ABLIM1: variants seen among roughly 807,000 people sequenced by gnomAD.
ABLIM1 encodes actin binding LIM protein 1.
A neutral mutation model predicts 107.0 loss-of-function variants in ABLIM1; 40 were observed. The ratio of observed to expected loss-of-function variants is 0.37; its 90% CI spans 0.29 to 0.49. ABLIM1 has a LOEUF of 0.49. ABLIM1 is among the 20% of genes least tolerant of loss of function. ABLIM1 has a pLI of 0.97. For synonymous variants in ABLIM1, 357 were observed against 357.3 expected (o/e 1.00, Z 0.01); for missense variants, 857 against 1,008.5 (o/e 0.85, Z 2.04).
At chr10:114,473,161 A>C in intron 9 of ABLIM1, 29 bp from the exon 10 acceptor site, 1 of 1,593,980 alleles carries the variant, frequency 6.3e-7, no homozygotes, top group Non-Finnish European at 8.6e-7. Context: ...AAGAACAATT[A>C]CCTTGTAGTC....
intron 15 of ABLIM1, among the ~76,000 whole-genome samples, chr10:114,445,797 G>A (rs909499271): frequency 4.6e-5 from 7 of 152,118 alleles, no homozygotes; most frequent in Admixed American, 1.3e-4. Context: ...TTGAGACAAG[G>A]TTTCACTCTG....
rs2059548253 is a variant in ABLIM1, at chr10:114,437,285, T to A, written c.2223+559A>T. Among the ~76,000 whole-genome samples, 2 of 151,860 alleles carry A rather than the reference T, an allele frequency of 1.3e-5. 1 individual carries two copies. Among genetic ancestry groups the A allele is most frequent in the Admixed American group, 1.3e-4 (2 of 15,232 alleles). The stretch of plus-strand genomic sequence containing the variant: ...AGAAAATGACTGAAATCATTCTGTG[T>A]CTCCTGGGTCATTCTTTTTTTCTTT... On this transcript the variant is annotated intron_variant, in intron 22 of 22. Transcript: ENST00000533213.
chr10:114,632,350 G>A, intron 1 of ABLIM1: 1 of 985,440 alleles, frequency 1.0e-6, no homozygotes, highest in African/African-American at 1.7e-5. Context: ...GCCAGGAAGA[G>A]GAGGACCGAG....
intron 6 of ABLIM1, among the ~76,000 whole-genome samples, chr10:114,520,485 AGT>A (rs2063562354): frequency 6.6e-6 from 1 of 152,064 alleles, no homozygotes; most frequent in Admixed American, 6.6e-5. Context: ...AGGGGAAATC[AGT>A]GCCATCGTGG....
intron 1 of ABLIM1, among the ~76,000 whole-genome samples, chr10:114,646,446 T>C (rs1369187252): frequency 6.6e-6 from 1 of 152,214 alleles, no homozygotes; most frequent in Non-Finnish European, 1.5e-5. Context: ...ATATGCGAAG[T>C]ATCACCTTCA....
Position 114,439,248 on chromosome 10 carries a change from T to C in ABLIM1, c.2070A>G (p.Thr690=). 6.2e-7 allele frequency: 1 copy of C among 1,614,146 alleles called. No individual in the cohort carries two copies. ...DVSGGVRDYQ[T]LPDGHMPAMR... Reference sequence around the variant, plus strand: ...TTGCAGGCATGTGGCCATCTGGGAGTGTCTGCAACAGAAATGCCAGTTCCA... The same window carrying C: ...TTGCAGGCATGTGGCCATCTGGGAGCGTCTGCAACAGAAATGCCAGTTCCA... Residue 690 remains threonine, a splice_region_variant and synonymous_variant, in exon 21 of 23, where the codon ACA becomes ACG. Coordinates refer to ENST00000533213, the MANE Select transcript of ABLIM1 (RefSeq NM_002313.7).
At chr10:114,527,695 A>G (rs1296027971) in intron 6 of ABLIM1, among the ~76,000 whole-genome samples, 1 of 130,082 alleles carries the variant, frequency 7.7e-6, no homozygotes, top group Non-Finnish European at 1.5e-5. Flanking sequence ...GATCTCTGTC[A>G]CCCATGCTAG....
chr10:114,706,986 C>T (rs2081436366), intron 1 of ABLIM1, among the ~76,000 whole-genome samples: 1 of 152,082 alleles, frequency 6.6e-6, no homozygotes, highest in Admixed American at 6.6e-5. Flanking sequence ...TGTAGACCAG[C>T]ACTGTCAATG....
At chr10:114,656,269 C>CA (rs71007486) in intron 1 of ABLIM1, among the ~76,000 whole-genome samples, 14,522 of 63,082 alleles carry the variant, frequency 0.23, 1,483 homozygotes, top group East Asian at 0.46. Flanking sequence ...AACTCCGTCT[C>CA]AAAAAAAAAA....
At chr10:114,513,301 T>C (rs1416345166) in intron 6 of ABLIM1, among the ~76,000 whole-genome samples, 3 of 152,210 alleles carry the variant, frequency 2.0e-5, no homozygotes, top group African/African-American at 7.2e-5. Flanking sequence ...AATGCAGCTA[T>C]CTTAGGAGAA....
chr10:114,505,003 A>G (rs2060933634), intron 6 of ABLIM1, among the ~76,000 whole-genome samples: 1 of 152,060 alleles, frequency 6.6e-6, no homozygotes, highest in South Asian at 2.1e-4. Flanking sequence ...TTCTTTCCAA[A>G]CACTTACCTA....
intron 8 of ABLIM1, among the ~76,000 whole-genome samples, chr10:114,477,442 A>C (rs528474078): frequency 1.3e-5 from 2 of 152,234 alleles, no homozygotes; most frequent in Non-Finnish European, 2.9e-5. Context: ...TGAACAGCCA[A>C]AGTGTACACT....
In ABLIM1 at chr10:114,629,101, C is replaced by A. The variant is rs1260435609; in HGVS notation, c.245-27140G>T. On this transcript the variant is annotated intron_variant, in intron 1 of 22. Transcript: ENST00000533213. The surrounding 1 kb of genome is among the most constrained non-coding windows in gnomAD (Gnocchi z 4.0). ...GTGAATGGGTGCCTGGTCAGGAGAACAAAAGATAATAAGGTCAAAGGATGT... is the reference window on the plus strand; with the variant it reads ...GTGAATGGGTGCCTGGTCAGGAGAAAAAAAGATAATAAGGTCAAAGGATGT... 6.6e-6 allele frequency among the ~76,000 whole-genome samples: 1 copy of A among 152,146 alleles called. No individual in the cohort carries two copies. Among genetic ancestry groups the A allele is most frequent in the Non-Finnish European group, 1.5e-5 (1 of 68,028 alleles).
intron 6 of ABLIM1, among the ~76,000 whole-genome samples, chr10:114,506,317 G>A (rs1156362351): frequency 6.6e-6 from 1 of 152,214 alleles, no homozygotes; most frequent in Non-Finnish European, 1.5e-5. Flanking sequence ...GTGCTGCAAA[G>A]AACATACAAG....
chr10:114,551,772 C>T (rs986212), intron 4 of ABLIM1, among the ~76,000 whole-genome samples: 36,743 of 152,108 alleles, frequency 0.24, 4,614 homozygotes, highest in East Asian at 0.36. Context: ...TCAGGTACCA[C>T]GTGAGGGCTT....
intron 3 of ABLIM1, among the ~76,000 whole-genome samples, chr10:114,571,759 C>A (rs1181714611): frequency 6.6e-6 from 1 of 152,156 alleles, no homozygotes; most frequent in Non-Finnish European, 1.5e-5. Context: ...ATTTTAAATA[C>A]CATGAATTCC....
At chr10:114,546,299 T>A (rs1472937751) in intron 5 of ABLIM1, among the ~76,000 whole-genome samples, 1 of 145,984 alleles carries the variant, frequency 6.9e-6, no homozygotes, top group East Asian at 2.0e-4. Flanking sequence ...TTTTCTTTCT[T>A]TTTTTTTTTT....
intron 8 of ABLIM1, chr10:114,485,494 G>T: frequency 1.1e-6 from 1 of 903,594 alleles, no homozygotes; most frequent in Non-Finnish European, 1.6e-6. Flanking sequence ...ACTAACTTGA[G>T]AGTAAACATC....
chr10:114,606,465 A>G (rs191068044), intron 1 of ABLIM1, among the ~76,000 whole-genome samples: 176 of 152,030 alleles, frequency 1.2e-3, no homozygotes, highest in African/African-American at 4.1e-3. Flanking sequence ...TGATCTCTTG[A>G]CCTTGTGATC....
Sources: gnomAD v4.1 joint callset for allele counts (sites outside exome capture counted in the v4.1 genomes callset) on GRCh38, gnomAD v4.1.1 for gene constraint, Gnocchi (gnomAD v3.1) non-coding constraint, MANE v1.5 for transcripts, NCBI Gene and HGNC (gene_info 2026-07-23, HGNC 2026-07-21) for gene names.